Variants in BTBD16 observed in about 807,000 individuals in gnomAD.
BTBD16 encodes BTB domain containing 16, also known as BTB/POZ domain-containing protein 16.
BTBD16 carries 66 observed loss-of-function variants against 67.4 expected under a neutral mutation model. The ratio of observed to expected loss-of-function variants is 0.98; its 90% CI spans 0.80 to 1.20. BTBD16 has a LOEUF of 1.20. Ranked by LOEUF, BTBD16 falls within the 50% of genes most tolerant of loss-of-function variation. The probability of loss-of-function intolerance (pLI) is 0.00; values close to 1 mark genes in which losing one functional copy is unlikely to be tolerated. For synonymous variants in BTBD16, 242 were observed against 236.4 expected, an observed-to-expected ratio of 1.02 and a Z score of -0.22; for missense variants, 634 against 616.0, an observed-to-expected ratio of 1.03 and a Z score of -0.31.
intron 10 of BTBD16, among the ~76,000 whole-genome samples, chr10:122,326,686 A>G (rs1470629287): frequency 1.3e-5 from 2 of 152,100 alleles, no homozygotes; most frequent in African/African-American, 2.4e-5. Flanking sequence ...TCTATGGGAG[A>G]TTTGTCCCCA....
At chr10:122,290,082 G>C in intron 6 of BTBD16, 84 bp downstream of exon 6, 1 of 956,166 alleles carries the variant, frequency 1.0e-6, no homozygotes, top group Non-Finnish European at 1.6e-6. Flanking sequence ...CAACAACAAA[G>C]CAAAACAAAC....
At chr10:122,335,739 T>C (rs1033216538) in intron 14 of BTBD16, among the ~76,000 whole-genome samples, 2 of 152,238 alleles carry the variant, frequency 1.3e-5, no homozygotes, top group African/African-American at 4.8e-5. Flanking sequence ...GAAAGATTGC[T>C]GTGTTCCACT....
rs575329822 is a variant in BTBD16, at chr10:122,295,250, G to A, written c.591-2518G>A. 15 of 950,332 alleles carry A rather than the reference G, an allele frequency of 1.6e-5. No individual in the cohort carries two copies. In the African/African-American group the frequency reaches 2.5e-4, roughly 16 times the overall value. The allele number at this position is 950,332 out of a possible 1,614,324, so 58.9% of individuals were successfully genotyped here. ...GTATGTGGGGAGGAGCAATCAGGGT[G>A]ACTTCCAAGAGGAGGTGGTGCTGGA... is the stretch of plus-strand genomic sequence containing the variant. On this transcript the variant is annotated intron_variant, in intron 7 of 15. Transcript: ENST00000260723.
At chr10:122,289,845 C>A (rs2096370543) in intron 5 of BTBD16, 64 bp from the exon 6 acceptor site, 1 of 1,173,460 alleles carries the variant, frequency 8.5e-7, no homozygotes, top group Non-Finnish European at 1.3e-6. Context: ...GTGGTGGGTG[C>A]CTCCCACTGT....
intron 3 of BTBD16, among the ~76,000 whole-genome samples, chr10:122,283,254 A>G (rs976656152): frequency 1.3e-5 from 2 of 152,236 alleles, no homozygotes; most frequent in Non-Finnish European, 2.9e-5. Context: ...AGGCTATAGC[A>G]AGAACAGCAA....
intron 9 of BTBD16, among the ~76,000 whole-genome samples, chr10:122,300,942 T>C (rs1214536074): frequency 1.3e-5 from 2 of 152,208 alleles, no homozygotes; most frequent in Admixed American, 6.5e-5. Context: ...ATTGGCTATG[T>C]AGCATGCAAT....
intron 13 of BTBD16, chr10:122,333,096 T>C (rs2096457789): frequency 1.6e-5 from 6 of 365,920 alleles, no homozygotes; most frequent in Non-Finnish European, 2.3e-5. Flanking sequence ...ATCAGTGATC[T>C]CCTTTGATTA....
At chr10:122,302,941 A>G (rs2096396867) in intron 9 of BTBD16, among the ~76,000 whole-genome samples, 1 of 152,200 alleles carries the variant, frequency 6.6e-6, no homozygotes, top group Non-Finnish European at 1.5e-5. Flanking sequence ...GCCTGTGGTC[A>G]TTACCAGCTC....
In BTBD16 at chr10:122,338,086, CA is replaced by C. The variant is rs1428920829; in HGVS notation, c.*2del. The C allele has an allele frequency of 6.3e-7, 1 of 1,593,550 alleles. No individual in the cohort carries two copies. Among genetic ancestry groups the C allele is most frequent in the Non-Finnish European group, 8.6e-7 (1 of 1,161,570 alleles). On this transcript the variant is annotated 3_prime_UTR_variant, in exon 16 of 16. Transcript: ENST00000260723. The stretch of plus-strand genomic sequence containing the variant: ...TGCATTCATCTTCCCAGCATCTTGA[CA>C]GTTTCCAGAAGAATCTATGGGATTT...
intron 11 of BTBD16, 132 bp from the exon 12 acceptor site, chr10:122,331,043 AC>A: frequency 1.7e-6 from 2 of 1,172,632 alleles, no homozygotes; most frequent in Non-Finnish European, 2.3e-6. Context: ...TGTCAATCAA[AC>A]CTTAAAGGAG....
intron 3 of BTBD16, among the ~76,000 whole-genome samples, chr10:122,279,801 A>G (rs1176121984): frequency 6.6e-6 from 1 of 152,064 alleles, no homozygotes; most frequent in Non-Finnish European, 1.5e-5. Context: ...CATGTCATGG[A>G]TGGTGTCATT....
intron 9 of BTBD16, among the ~76,000 whole-genome samples, chr10:122,305,516 C>T (rs1414984793): frequency 6.6e-6 from 1 of 152,190 alleles, no homozygotes; most frequent in Non-Finnish European, 1.5e-5. Context: ...GGCTGTGTGA[C>T]ATCCTCCTCC....
intron 9 of BTBD16, among the ~76,000 whole-genome samples, chr10:122,302,161 G>A (rs112229618): frequency 1.3e-3 from 199 of 152,284 alleles, no homozygotes; most frequent in African/African-American, 3.1e-3. Context: ...CCATTCAGCC[G>A]TCTCCATCTG....
intron 9 of BTBD16, chr10:122,303,765 C>T (rs1038043217): frequency 2.2e-5 from 9 of 415,430 alleles, no homozygotes; most frequent in Non-Finnish European, 2.9e-5. Flanking sequence ...CATGGTACAG[C>T]CCATAGAGGG....
intron 10 of BTBD16, among the ~76,000 whole-genome samples, chr10:122,315,637 T>C (rs1191276784): frequency 6.6e-6 from 1 of 152,200 alleles, no homozygotes; most frequent in Non-Finnish European, 1.5e-5. Flanking sequence ...CATTTGGGCT[T>C]GAGATTTTGG....
intron 10 of BTBD16, among the ~76,000 whole-genome samples, chr10:122,310,234 A>G (rs2096411397): frequency 6.6e-6 from 1 of 152,202 alleles, no homozygotes; most frequent in African/African-American, 2.4e-5. Context: ...CCCAAGAAGG[A>G]TTCTCAGCTT....
intron 12 of BTBD16, 131 bp downstream of exon 12, chr10:122,331,389 C>G (rs1182774418): frequency 7.5e-7 from 1 of 1,327,050 alleles, no homozygotes; most frequent in Non-Finnish European, 9.8e-7. Flanking sequence ...GATCATCTTC[C>G]AGGGAAAGTG....
At chr10:122,323,833 T>C (rs1190415180) in intron 10 of BTBD16, among the ~76,000 whole-genome samples, 1 of 152,174 alleles carries the variant, frequency 6.6e-6, no homozygotes, top group Non-Finnish European at 1.5e-5. Flanking sequence ...CTTTTGCAAA[T>C]TGATGGTGGT....
rs1365188926 is a variant in BTBD16 at position 122,320,853 on chromosome 10, A to T, written c.912-8627A>T. Among the ~76,000 whole-genome samples, 4 of 152,138 alleles carry T rather than the reference A, an allele frequency of 2.6e-5. No individual in the cohort carries two copies. The East Asian group carries it at 7.7e-4, about 29-fold the overall frequency. ...ATGATTGTATTTTATGTCTATTTTT[A>T]AAAATTTCAACTTTTATTTCAGATT... On this transcript the variant is annotated intron_variant, in intron 10 of 15. Transcript: ENST00000260723.
Sources: gnomAD v4.1 joint callset for allele counts (sites outside exome capture counted in the v4.1 genomes callset) on GRCh38, gnomAD v4.1.1 for gene constraint, MANE v1.5 for transcripts, NCBI Gene and HGNC (gene_info 2026-07-23, HGNC 2026-07-21) for gene names.